Variants in ITPR1 observed in about 807,000 individuals in gnomAD.
ITPR1 encodes the protein inositol 1,4,5-trisphosphate-gated calcium channel ITPR1.
A neutral mutation model predicts 318.4 loss-of-function variants in ITPR1; 96 were observed. The observed-to-expected ratio is 0.30, with a 90% CI of 0.26 to 0.36. The LOEUF is 0.36. ITPR1 is among the 10% of genes least tolerant of loss of function. The pLI is 1.00. For missense variants in ITPR1, 2,440 were observed against 3,460.2 expected, an observed-to-expected ratio of 0.71 and a Z score of 7.40; for synonymous variants, 1,312 against 1,289.9, an observed-to-expected ratio of 1.02 and a Z score of -0.37.
intron 4 of ITPR1, among the ~76,000 whole-genome samples, chr3:4,538,744 C>T (rs1004147392): frequency 5.1e-4 from 77 of 152,208 alleles, no homozygotes; most frequent in African/African-American, 1.8e-3. Flanking sequence ...ATGTCCTTTG[C>T]AGGGACATGG....
chr3:4,505,424 C>A (rs1460735793), intron 2 of ITPR1, among the ~76,000 whole-genome samples: 1 of 152,196 alleles, frequency 6.6e-6, no homozygotes, highest in East Asian at 1.9e-4. Context: ...AACTCCTGAC[C>A]TCAAGTGATC....
chr3:4,744,771 A>T (rs190902320), intron 44 of ITPR1, among the ~76,000 whole-genome samples: 1 of 152,320 alleles, frequency 6.6e-6, no homozygotes, highest in East Asian at 1.9e-4. Flanking sequence ...TTTTAAGTAA[A>T]TATTCACCAG....
intron 2 of ITPR1, among the ~76,000 whole-genome samples, chr3:4,510,453 T>C (rs1233348395): frequency 6.6e-6 from 1 of 152,146 alleles, no homozygotes; most frequent in African/African-American, 2.4e-5. Flanking sequence ...AGTTGAGAAA[T>C]GATACTGGCT....
intron 54 of ITPR1, among the ~76,000 whole-genome samples, chr3:4,802,483 T>C (rs535593107): frequency 1.3e-5 from 2 of 152,218 alleles, no homozygotes; most frequent in African/African-American, 4.8e-5. Context: ...AGCCTGAGTC[T>C]TGGACATAGT....
At chr3:4,794,308 G>A (rs2047754614) in intron 52 of ITPR1, among the ~76,000 whole-genome samples, 1 of 152,186 alleles carries the variant, frequency 6.6e-6, no homozygotes, top group Non-Finnish European at 1.5e-5. Flanking sequence ...GATTAAGGTG[G>A]CAGCAATGTC....
chr3:4,785,257 G>T (rs560335022), intron 51 of ITPR1, among the ~76,000 whole-genome samples: 1 of 152,182 alleles, frequency 6.6e-6, no homozygotes, highest in African/African-American at 2.4e-5. Flanking sequence ...ATCCTGATCT[G>T]TCTGGTCCCT....
chr3:4,730,332 CTTATAA>C (rs2042825117), intron 42 of ITPR1, among the ~76,000 whole-genome samples: 1 of 141,428 alleles, frequency 7.1e-6, no homozygotes, highest in Non-Finnish European at 1.5e-5. Flanking sequence ...TGCCAAAAAC[CTTATAA>C]TTAAAAGCAA....
intron 4 of ITPR1, among the ~76,000 whole-genome samples, chr3:4,532,981 A>C (rs2124955520): frequency 6.6e-6 from 1 of 152,364 alleles, no homozygotes; most frequent in East Asian, 1.9e-4. Context: ...GCTCTGGGAC[A>C]GAGGTTAGAT....
At chr3:4,675,019 G>C (rs373123594) in intron 22 of ITPR1, 49 bp from the exon 23 acceptor site, 1 of 985,574 alleles carries the variant, frequency 1.0e-6, no homozygotes, top group African/African-American at 1.6e-5. Flanking sequence ...GAATTGAAGG[G>C]GATGCAGTTT....
chr3:4,661,946 T>C (rs2093843223), intron 14 of ITPR1, 136 bp from the exon 15 acceptor site: 1 of 668,446 alleles, frequency 1.5e-6, no homozygotes, highest in Non-Finnish European at 2.4e-6. Context: ...TTGTAGATTT[T>C]TTTCCTATAT....
At chr3:4,631,824 AC>A (rs774756289) in intron 5 of ITPR1, among the ~76,000 whole-genome samples, 1 of 151,998 alleles carries the variant, frequency 6.6e-6, no homozygotes, top group Non-Finnish European at 1.5e-5. Context: ...AATTACAGAT[AC>A]CCCCAGGCTG....
chr3:4,840,437 G>GCTCCATTA (rs1317324070), intron 61 of ITPR1, among the ~76,000 whole-genome samples: 1 of 152,076 alleles, frequency 6.6e-6, no homozygotes, highest in African/African-American at 2.4e-5. Context: ...CACAAAAATT[G>GCTCCATTA]CTCCATTACT....
intron 4 of ITPR1, among the ~76,000 whole-genome samples, chr3:4,541,241 C>T (rs1431896060): frequency 6.6e-6 from 1 of 152,010 alleles, no homozygotes; most frequent in Non-Finnish European, 1.5e-5. Context: ...TTTTCTGCCT[C>T]AAGCACATTC....
At chr3:4,594,026 T>C (rs770947990) in intron 4 of ITPR1, among the ~76,000 whole-genome samples, 1 of 152,068 alleles carries the variant, frequency 6.6e-6, no homozygotes, top group Non-Finnish European at 1.5e-5. Context: ...ATATGGGAAA[T>C]GCGGGGCTTG....
At chr3:4,683,931 A>G in intron 28 of ITPR1, 133 bp downstream of exon 28, 1 of 782,808 alleles carries the variant, frequency 1.3e-6, no homozygotes, top group Non-Finnish European at 1.9e-6. Context: ...AGTCACCAAG[A>G]TCACAAGCTG....
intron 2 of ITPR1, among the ~76,000 whole-genome samples, chr3:4,513,348 G>A (rs567068377): frequency 5.3e-5 from 8 of 150,792 alleles, no homozygotes; most frequent in South Asian, 2.1e-4. Flanking sequence ...AGGCGAGGCC[G>A]GAGGAGATCT....
intron 25 of ITPR1, 99 bp downstream of exon 25, chr3:4,680,790 GT>G: frequency 9.0e-7 from 1 of 1,110,926 alleles, no homozygotes; most frequent in Non-Finnish European, 1.3e-6. Context: ...GGTGAAAATG[GT>G]TTTGAGGATT....
intron 42 of ITPR1, among the ~76,000 whole-genome samples, chr3:4,730,367 T>C (rs1417211899): frequency 6.1e-5 from 8 of 130,550 alleles, no homozygotes; most frequent in African/African-American, 2.3e-4. Flanking sequence ...GTTTGTTGGG[T>C]GGAATGTGTG....
intron 5 of ITPR1, among the ~76,000 whole-genome samples, chr3:4,634,151 G>T (rs980628508): frequency 6.6e-6 from 1 of 152,052 alleles, no homozygotes; most frequent in Non-Finnish European, 1.5e-5. Context: ...CAAGGGAAAA[G>T]AGTAATAGAT....
Sources: gnomAD v4.1 joint callset for allele counts (sites outside exome capture counted in the v4.1 genomes callset) on GRCh38, gnomAD v4.1.1 for gene constraint, MANE v1.5 for transcripts, NCBI Gene and HGNC (gene_info 2026-07-23, HGNC 2026-07-21) for gene names.